GPR89A: variants seen among roughly 807,000 people sequenced by gnomAD.
GPR89A encodes the protein G protein-coupled receptor 89A.
Under a neutral mutation model 52.0 loss-of-function variants are expected in GPR89A, and 16 were observed. The ratio of observed to expected loss-of-function variants is 0.31; its 90% CI spans 0.21 to 0.47. The LOEUF is 0.47. Among genes scored for constraint, GPR89A ranks in the 20% least tolerant of loss-of-function variants. GPR89A has a pLI of 1.00. For synonymous variants in GPR89A, 55 were observed against 150.9 expected (o/e 0.36, Z 4.66); for missense variants, 135 against 449.4 (o/e 0.30, Z 6.33).
intron 3 of GPR89A, among the ~76,000 whole-genome samples, chr1:145,619,466 G>A (rs1648960808): frequency 6.6e-6 from 1 of 151,966 alleles, no homozygotes; most frequent in South Asian, 2.1e-4. Flanking sequence ...AAAAAAATTA[G>A]CAGAGTGTGG....
At chr1:145,656,424 C>T (rs1242880907) in intron 10 of GPR89A, among the ~76,000 whole-genome samples, 1 of 152,098 alleles carries the variant, frequency 6.6e-6, no homozygotes, top group Non-Finnish European at 1.5e-5. Context: ...TTGCCCTGTG[C>T]GGCTCCCAGG....
chr1:145,621,607 A>G (rs1649143863), intron 3 of GPR89A, among the ~76,000 whole-genome samples: 1 of 148,446 alleles, frequency 6.7e-6, no homozygotes, highest in South Asian at 2.1e-4. Context: ...AAATCAGTAA[A>G]TACAAAGGAC....
At chr1:145,661,808 C>CTA (rs1394167998) in intron 10 of GPR89A, among the ~76,000 whole-genome samples, 2 of 149,274 alleles carry the variant, frequency 1.3e-5, no homozygotes, top group African/African-American at 4.9e-5. Flanking sequence ...CTATGTACTG[C>CTA]TATACTAGAT....
Position 145,623,161 on chromosome 1 carries a change from G to A in GPR89A, c.313+1G>A, listed in dbSNP as rs781873170. 4.8e-5 allele frequency: 77 copies of A among 1,612,904 alleles called. 2 individuals are homozygous for A. The East Asian group carries it at 8.3e-4, about 17-fold the overall frequency. Reference sequence around the variant, plus strand: ...TTTATTGTGAGCAATATCCGACTACGTAAGTATTTTACCCTCTCAGTCAGC... The same window carrying A: ...TTTATTGTGAGCAATATCCGACTACATAAGTATTTTACCCTCTCAGTCAGC... On this transcript the variant is annotated splice_donor_variant, in intron 4 of 13. Coordinates refer to ENST00000313835, the MANE Select transcript of GPR89A (RefSeq NM_001097612.2). LOFTEE classifies it high-confidence loss of function.
intron 10 of GPR89A, among the ~76,000 whole-genome samples, chr1:145,651,059 A>G (rs1183367242): frequency 1.3e-5 from 2 of 151,864 alleles, no homozygotes; most frequent in South Asian, 2.1e-4. Flanking sequence ...TTGTCATGAA[A>G]CCTTTGCCTG....
At chr1:145,669,086 G>A (rs1389002427) in intron 12 of GPR89A, among the ~76,000 whole-genome samples, 1 of 151,952 alleles carries the variant, frequency 6.6e-6, no homozygotes, top group Non-Finnish European at 1.5e-5. Context: ...CATTTTATGA[G>A]GCCAGCATCA....
rs587736831 is a variant in GPR89A at position 145,634,261 on chromosome 1, G to A, written c.617+2517G>A. 3.3e-5 allele frequency among the ~76,000 whole-genome samples: 5 copies of A among 151,870 alleles called. No homozygotes were observed. In the East Asian group the frequency reaches 9.7e-4, roughly 29 times the overall value. ...CACCCAGCTTATTTTTGTATTTTTG[G>A]TAGAGACGGGGTTTCACCATGTTGG... is the stretch of plus-strand genomic sequence containing the variant. On this transcript the variant is annotated intron_variant, in intron 7 of 13. Coordinates refer to ENST00000313835, the MANE Select transcript of GPR89A (RefSeq NM_001097612.2).
At chr1:145,629,256 A>G (rs1559031372) in intron 5 of GPR89A, among the ~76,000 whole-genome samples, 1 of 152,190 alleles carries the variant, frequency 6.6e-6, no homozygotes, top group Admixed American at 6.5e-5. Flanking sequence ...GTTCTAAGGG[A>G]GACAAGTTGG....
intron 1 of GPR89A, among the ~76,000 whole-genome samples, chr1:145,610,395 C>A (rs1267049297): frequency 6.6e-6 from 1 of 152,090 alleles, no homozygotes; most frequent in Admixed American, 6.5e-5. Flanking sequence ...AGCTGTGGCT[C>A]CAATTTATTC....
intron 7 of GPR89A, among the ~76,000 whole-genome samples, chr1:145,641,999 A>G (rs1650686805): frequency 6.6e-6 from 1 of 151,566 alleles, no homozygotes. Context: ...GATACAATTG[A>G]AAGTAAAAGT....
intron 5 of GPR89A, among the ~76,000 whole-genome samples, chr1:145,628,841 A>C (rs1397835285): frequency 6.6e-6 from 1 of 152,266 alleles, no homozygotes; most frequent in Non-Finnish European, 1.5e-5. Context: ...ACTTCTTTTA[A>C]GAAGCCTGGC....
chr1:145,619,610 T>TGA (rs1158501188), intron 3 of GPR89A, among the ~76,000 whole-genome samples: 1 of 150,532 alleles, frequency 6.6e-6, no homozygotes, highest in Non-Finnish European at 1.5e-5. Flanking sequence ...AAAAAAAGAG[T>TGA]GAGAGAGAGA....
intron 3 of GPR89A, 55 bp from the exon 4 acceptor site, chr1:145,622,995 GAGAA>G: frequency 6.3e-7 from 1 of 1,598,218 alleles, no homozygotes; most frequent in East Asian, 2.2e-5. Flanking sequence ...GAAGACTAAA[GAGAA>G]AGAAAGTTGC....
At chr1:145,629,162 A>G (rs1553689433) in intron 5 of GPR89A, among the ~76,000 whole-genome samples, 1 of 152,136 alleles carries the variant, frequency 6.6e-6, no homozygotes, top group East Asian at 1.9e-4. Flanking sequence ...ATATCCCAGA[A>G]CTCACATATA....
At chr1:145,616,316 T>C (rs374525548) in intron 2 of GPR89A, 23 bp downstream of exon 2, 18 of 1,587,650 alleles carry the variant, frequency 1.1e-5, no homozygotes, top group African/African-American at 9.8e-5. Context: ...CATTTTGTCA[T>C]ACTTACACTA....
intron 10 of GPR89A, among the ~76,000 whole-genome samples, chr1:145,650,227 CAT>C (rs1651354381): frequency 1.3e-5 from 2 of 150,282 alleles, no homozygotes; most frequent in South Asian, 2.1e-4. Flanking sequence ...TAAGTGAGAA[CAT>C]GTGATATTTG....
chr1:145,635,711 T>G (rs1169539685), intron 7 of GPR89A, among the ~76,000 whole-genome samples: 1 of 152,162 alleles, frequency 6.6e-6, no homozygotes, highest in African/African-American at 2.4e-5. Context: ...GACCGGGTAC[T>G]CATGCCTGTA....
intron 10 of GPR89A, among the ~76,000 whole-genome samples, chr1:145,650,009 C>A (rs1553693286): frequency 6.8e-6 from 1 of 146,804 alleles, no homozygotes; most frequent in Non-Finnish European, 1.5e-5. Context: ...TTCTGAGGTA[C>A]ATGTGCAGGA....
In GPR89A at chr1:145,641,415, C is replaced by T. The variant is rs587735735; in HGVS notation, c.618-2454C>T. Among the ~76,000 whole-genome samples the T allele has an allele frequency of 3.3e-5, 5 of 151,558 alleles. No homozygotes were observed. In the East Asian group the frequency reaches 5.8e-4, roughly 18 times the overall value. On this transcript the variant is annotated intron_variant, in intron 7 of 13. Transcript: ENST00000313835. ...GATCCTTGTAGTGATGGAAATGTCC[C>T]GTATTGTGACTCTATCAATGTCAGT...
Sources: allele counts gnomAD v4.1 joint callset (sites outside exome capture counted in the v4.1 genomes callset), GRCh38; gene constraint gnomAD v4.1.1; transcripts MANE v1.5; gene names NCBI Gene and HGNC (gene_info 2026-07-23, HGNC 2026-07-21).